The following MID1 variants were observed in gnomAD, a reference collection of about 807,000 sequenced individuals.
MID1 encodes the protein midline 1.
In MID1, 7 loss-of-function variants were observed where a neutral mutation model predicts 40.4. The ratio of observed to expected loss-of-function variants is 0.17; its 90% CI spans 0.10 to 0.33. MID1 has a LOEUF of 0.33. MID1 is among the 10% of genes least tolerant of loss of function. The pLI is 1.00. For missense variants in MID1, 367 were observed against 558.5 expected (o/e 0.66, Z 3.46); for synonymous variants, 229 against 221.2 (o/e 1.04, Z -0.31).
chrX:10,787,726 T>G (rs1429675593), intron 1 of MID1, among the ~76,000 whole-genome samples: 1 of 104,527 alleles, frequency 9.6e-6, no homozygotes, highest in East Asian at 3.1e-4. Context: ...ACCACTTCTA[T>G]CTAAAGAAAG....
chrX:10,704,607 G>A (rs190557577), intron 1 of MID1, among the ~76,000 whole-genome samples: 28 of 106,816 alleles, frequency 2.6e-4, no homozygotes, highest in African/African-American at 9.2e-4. Context: ...GAATCCAAAT[G>A]TCATTGCATC....
At chrX:10,730,564 CTTTTTTT>C (rs1188069622) in intron 1 of MID1, among the ~76,000 whole-genome samples, 2 of 78,107 alleles carry the variant, frequency 2.6e-5, no homozygotes, top group East Asian at 3.7e-4. Flanking sequence ...TCAGATACAT[CTTTTTTT>C]TTTTTTTTTT....
intron 1 of MID1, among the ~76,000 whole-genome samples, chrX:10,786,401 T>A (rs1201912815): frequency 9.0e-6 from 1 of 111,127 alleles, no homozygotes; most frequent in Non-Finnish European, 1.9e-5. Flanking sequence ...ATTGTGGAAG[T>A]CAGTGTGGCG....
intron 1 of MID1, among the ~76,000 whole-genome samples, chrX:10,823,336 A>T (rs766600088): frequency 9.0e-6 from 1 of 110,511 alleles, no homozygotes; most frequent in African/African-American, 3.3e-5. Flanking sequence ...AGGTGGGGGG[A>T]TGGAGAGCAT....
At chrX:10,548,957 T>C (rs942013082) in intron 2 of MID1, among the ~76,000 whole-genome samples, 7 of 112,419 alleles carry the variant, frequency 6.2e-5, no homozygotes, top group African/African-American at 1.9e-4. Context: ...ATTCCTTTAC[T>C]GGGTGAAAAG....
intron 1 of MID1, among the ~76,000 whole-genome samples, chrX:10,595,967 A>C (rs1489019738): frequency 5.4e-5 from 6 of 111,648 alleles, no homozygotes; most frequent in African/African-American, 2.0e-4. Flanking sequence ...ATAAGTACAA[A>C]TTTTTTTTAA....
intron 3 of MID1, among the ~76,000 whole-genome samples, chrX:10,510,845 A>G (rs1932104989): frequency 9.3e-6 from 1 of 107,135 alleles, no homozygotes; most frequent in African/African-American, 3.5e-5. Context: ...AAAAAAAAAA[A>G]AAAAAAAAAG....
At chrX:10,799,305 T>C (rs1220325228) in intron 1 of MID1, among the ~76,000 whole-genome samples, 3 of 111,819 alleles carry the variant, frequency 2.7e-5, no homozygotes, top group Non-Finnish European at 5.6e-5. Context: ...TTTAATCACA[T>C]AATGGTCCTC....
At chrX:10,554,514 T>C (rs751232177) in intron 2 of MID1, among the ~76,000 whole-genome samples, 1 of 112,067 alleles carries the variant, frequency 8.9e-6, no homozygotes, top group Non-Finnish European at 1.9e-5. Flanking sequence ...TGATACATAA[T>C]ATTTGTACAT....
chrX:10,833,532 G>A (rs1181039993), intron 1 of MID1: 1 of 112,458 alleles, frequency 8.9e-6, no homozygotes, highest in Non-Finnish European at 1.9e-5. Context: ...GAAGCAAGCA[G>A]AGAGAGAGTG....
intron 1 of MID1, among the ~76,000 whole-genome samples, chrX:10,619,393 C>G (rs1446325061): frequency 9.0e-6 from 1 of 111,103 alleles, no homozygotes; most frequent in Non-Finnish European, 1.9e-5. Context: ...CTCTTGAAAT[C>G]CCTGCCCTTC....
intron 3 of MID1, among the ~76,000 whole-genome samples, chrX:10,497,302 G>A (rs1657074592): frequency 1.8e-5 from 2 of 112,051 alleles, no homozygotes; most frequent in South Asian, 3.7e-4. Flanking sequence ...TTCTTTGCTC[G>A]ACCAAACTTT....
chrX:10,652,935 C>G (rs1193079971), intron 1 of MID1, among the ~76,000 whole-genome samples: 1 of 112,095 alleles, frequency 8.9e-6, no homozygotes, highest in African/African-American at 3.2e-5. Flanking sequence ...TTGTGGAGGG[C>G]CTTGGTTCCT....
chrX:10,656,787 G>A (rs759014805), intron 1 of MID1, among the ~76,000 whole-genome samples: 2 of 110,483 alleles, frequency 1.8e-5, no homozygotes, highest in Admixed American at 1.9e-4. Flanking sequence ...CAAGCCATGG[G>A]AAAACTATTC....
At chrX:10,821,427 C>T (rs1195425439) in intron 1 of MID1, among the ~76,000 whole-genome samples, 1 of 111,891 alleles carries the variant, frequency 8.9e-6, no homozygotes, top group Non-Finnish European at 1.9e-5. Context: ...ATTAAAACAG[C>T]CTTGTCATCT....
At chrX:10,645,122 A>G (rs1297587466) in intron 1 of MID1, among the ~76,000 whole-genome samples, 1 of 111,702 alleles carries the variant, frequency 9.0e-6, no homozygotes, top group Non-Finnish European at 1.9e-5. Flanking sequence ...GGCTCTCTTC[A>G]ATTTTCTCTG....
chrX:10,645,005 A>G lies in MID1; in HGVS notation c.-186-24586T>C, dbSNP rs760824059. ...TCTTCCTAAATGTTGTAGGTGCGAC[A>G]GCATGGCACTTTGTTCTCAAGCTTT... On this transcript the variant is annotated intron_variant, in intron 1 of 10. Coordinates refer to the MID1 transcript ENST00000380785. Among the ~76,000 whole-genome samples, 3 of 112,053 alleles carry G rather than the reference A, an allele frequency of 2.7e-5. No homozygotes were observed. The Admixed American group carries it at 2.8e-4, about 11-fold the overall frequency.
At chrX:10,503,130 A>G (rs1211009724) in intron 3 of MID1, among the ~76,000 whole-genome samples, 1 of 111,534 alleles carries the variant, frequency 9.0e-6, no homozygotes, top group Non-Finnish European at 1.9e-5. Context: ...CCAGGTGCAA[A>G]AAGAAATATG....
intron 1 of MID1, among the ~76,000 whole-genome samples, chrX:10,578,963 A>G (rs1934939523): frequency 8.9e-6 from 1 of 112,579 alleles, no homozygotes; most frequent in Non-Finnish European, 1.9e-5. Context: ...ATATATGTCC[A>G]TAATGGAATT....
Sources: allele counts gnomAD v4.1 joint callset (sites outside exome capture counted in the v4.1 genomes callset), GRCh38; gene constraint gnomAD v4.1.1; transcripts MANE v1.5; gene names NCBI Gene and HGNC (gene_info 2026-07-23, HGNC 2026-07-21).